FOXP1: variants seen among roughly 807,000 people sequenced by gnomAD.
FOXP1 encodes the protein forkhead box P1.
FOXP1 carries 15 observed loss-of-function variants against 98.2 expected under a neutral mutation model. That is an observed-to-expected ratio of 0.15 (90% CI 0.10 to 0.24). FOXP1 has a LOEUF of 0.24. Ranked by LOEUF, FOXP1 falls within the 10% of genes least tolerant of loss-of-function variation. The pLI is 1.00. For synonymous variants in FOXP1, 371 were observed against 314.5 expected, an observed-to-expected ratio of 1.18 and a Z score of -1.90; for missense variants, 633 against 848.5, an observed-to-expected ratio of 0.75 and a Z score of 3.15.
intron 4 of FOXP1, among the ~76,000 whole-genome samples, chr3:71,343,031 C>A (rs1197232132): frequency 1.3e-5 from 2 of 152,308 alleles, no homozygotes; most frequent in East Asian, 1.9e-4. Context: ...ATAGTACTTA[C>A]AAGAACTCAG....
chr3:71,310,902 T>C (rs1458826478), intron 4 of FOXP1, among the ~76,000 whole-genome samples: 1 of 152,224 alleles, frequency 6.6e-6, no homozygotes, highest in Non-Finnish European at 1.5e-5. Context: ...CATGGCCACA[T>C]CTGGCTCTTG....
At chr3:71,151,852 C>T (rs1440061426) in intron 6 of FOXP1, among the ~76,000 whole-genome samples, 1 of 152,166 alleles carries the variant, frequency 6.6e-6, no homozygotes, top group Non-Finnish European at 1.5e-5. Context: ...GCTCTCCTCT[C>T]CTCCAGGAAG....
intron 3 of FOXP1, among the ~76,000 whole-genome samples, chr3:71,380,698 ATT>A (rs11395817): frequency 1.2e-4 from 12 of 100,288 alleles, no homozygotes; most frequent in African/African-American, 2.7e-4. Context: ...CTTTTTAGAC[ATT>A]TTTTTTTTTT....
chr3:71,575,958 G>T (rs1281969967), intron 2 of FOXP1, among the ~76,000 whole-genome samples: 4 of 152,196 alleles, frequency 2.6e-5, no homozygotes. Flanking sequence ...TAAAATCAGA[G>T]CATCTGGTAA....
intron 2 of FOXP1, among the ~76,000 whole-genome samples, chr3:71,502,995 A>AG (rs397828654): frequency 6.6e-6 from 1 of 150,380 alleles, no homozygotes; most frequent in Non-Finnish European, 1.5e-5. Context: ...AAAAAAAAAA[A>AG]CAAGTAGTAG....
chr3:71,266,856 G>A (rs1261571230), intron 5 of FOXP1, among the ~76,000 whole-genome samples: 3 of 152,286 alleles, frequency 2.0e-5, no homozygotes, highest in Non-Finnish European at 2.9e-5. Context: ...TTTCACTTAC[G>A]ATAATGGCCG....
At chr3:71,055,025 A>G (rs867114570) in intron 7 of FOXP1, among the ~76,000 whole-genome samples, 3 of 152,342 alleles carry the variant, frequency 2.0e-5, no homozygotes, top group Middle Eastern at 6.8e-3. Flanking sequence ...AAGAATTAAA[A>G]AATCTTTCAG....
rs1467159811 is a variant in FOXP1 at position 71,416,981 on chromosome 3, C to T, written c.-167-57737G>A. Among the ~76,000 whole-genome samples the T allele has an allele frequency of 3.3e-5, 5 of 152,206 alleles. No homozygotes were observed. The East Asian group carries it at 9.7e-4, about 29-fold the overall frequency. The stretch of plus-strand genomic sequence containing the variant: ...ACATTTGCATTTTGAAAAAAAATCA[C>T]TCAAGCTGATGAGCAAAGGGGAGAC... On this transcript the variant is annotated intron_variant, in intron 3 of 20. Transcript: ENST00000649528.
intron 3 of FOXP1, among the ~76,000 whole-genome samples, chr3:71,411,910 A>T (rs570846482): frequency 4.5e-4 from 69 of 152,364 alleles, no homozygotes; most frequent in Admixed American, 1.6e-3. Context: ...ACCGACTGAG[A>T]CGTGGATATG....
At chr3:71,492,122 G>A (rs1203647216) in intron 3 of FOXP1, among the ~76,000 whole-genome samples, 1 of 152,076 alleles carries the variant, frequency 6.6e-6, no homozygotes, top group Non-Finnish European at 1.5e-5. Context: ...AACACTGATA[G>A]GATAGGATCC....
intron 4 of FOXP1, among the ~76,000 whole-genome samples, chr3:71,321,083 C>T (rs1412142100): frequency 6.7e-6 from 1 of 150,214 alleles, no homozygotes; most frequent in Non-Finnish European, 1.5e-5. Context: ...CCCCTAATTA[C>T]CCTCCCGCTA....
chr3:70,971,866 A>C (rs1319782016), intron 18 of FOXP1: 2 of 547,852 alleles, frequency 3.7e-6, no homozygotes, highest in Non-Finnish European at 6.0e-6. Context: ...CGAGAGCAAT[A>C]CATGTACAAA....
chr3:71,574,713 A>C (rs1383940300), intron 2 of FOXP1, among the ~76,000 whole-genome samples: 1 of 152,242 alleles, frequency 6.6e-6, no homozygotes, highest in Non-Finnish European at 1.5e-5. Flanking sequence ...GTCATCTGAC[A>C]CTAATTGGTA....
intron 7 of FOXP1, among the ~76,000 whole-genome samples, chr3:71,068,518 T>A (rs569786954): frequency 2.0e-5 from 3 of 152,284 alleles, no homozygotes; most frequent in South Asian, 4.1e-4. Flanking sequence ...AAAGGCCTGC[T>A]TTGCCAGAAG....
chr3:70,992,068 T>C (rs1391075727), intron 13 of FOXP1, among the ~76,000 whole-genome samples: 1 of 152,088 alleles, frequency 6.6e-6, no homozygotes, highest in Non-Finnish European at 1.5e-5. Flanking sequence ...AATGCATGAG[T>C]TCAGATTATC....
chr3:71,011,032 A>G lies in FOXP1; in HGVS notation c.974+4517T>C, dbSNP rs528820465. Among the ~76,000 whole-genome samples, 3 of 152,308 alleles carry G rather than the reference A, an allele frequency of 2.0e-5. No individual in the cohort carries two copies. The East Asian group carries it at 5.8e-4, about 29-fold the overall frequency. On this transcript the variant is annotated intron_variant, in intron 12 of 20. Transcript: ENST00000649528. ...AGACTAACTTATTTTCCACTGCACT[A>G]GGCAAGATCCTGATACCTGAAGACA...
At chr3:70,999,134 G>A (rs975328291) in intron 13 of FOXP1, among the ~76,000 whole-genome samples, 2 of 152,132 alleles carry the variant, frequency 1.3e-5, no homozygotes, top group African/African-American at 2.4e-5. Flanking sequence ...CTGTCGCCCA[G>A]GCTGGAGTGC....
intron 4 of FOXP1, among the ~76,000 whole-genome samples, chr3:71,344,972 C>T (rs1310074158): frequency 6.6e-6 from 1 of 152,216 alleles, no homozygotes; most frequent in Non-Finnish European, 1.5e-5. Context: ...GAACTAGACA[C>T]ATTCTATACT....
At position 71,192,378 on chromosome 3, in the gene FOXP1, G is replaced by T. The variant is rs545588835; in HGVS notation, c.180+5824C>A. On this transcript the variant is annotated intron_variant, in intron 6 of 20. Coordinates refer to ENST00000649528, the MANE Select transcript of FOXP1 (RefSeq NM_001349338.3). Reference sequence around the variant, plus strand: ...GGAATGGCCTCTGGAATTTTAATATGGTGCCCCAGAGGCCTATGGGTAAAA... The same window carrying T: ...GGAATGGCCTCTGGAATTTTAATATTGTGCCCCAGAGGCCTATGGGTAAAA... Among the ~76,000 whole-genome samples, 634 of 152,236 alleles carry T rather than the reference G, an allele frequency of 4.2e-3. 5 individuals are homozygous for T. The highest frequency in any genetic ancestry group is 6.5e-3 in the Non-Finnish European group (444 of 68,024).
Sources: gnomAD v4.1 joint callset for allele counts (sites outside exome capture counted in the v4.1 genomes callset) on GRCh38, gnomAD v4.1.1 for gene constraint, MANE v1.5 for transcripts, NCBI Gene and HGNC (gene_info 2026-07-23, HGNC 2026-07-21) for gene names.